TMEM117: variants seen among roughly 807,000 people sequenced by gnomAD.
TMEM117 encodes transmembrane protein 117.
A neutral mutation model predicts 52.4 loss-of-function variants in TMEM117; 27 were observed. The ratio of observed to expected loss-of-function variants is 0.51; its 90% CI spans 0.38 to 0.71. The LOEUF is 0.71. Among genes scored for constraint, TMEM117 ranks in the 30% least tolerant of loss-of-function variants. TMEM117 has a pLI of 0.00. For missense variants in TMEM117, 556 were observed against 630.5 expected (o/e 0.88, Z 1.26); for synonymous variants, 215 against 206.3 (o/e 1.04, Z -0.36).
At chr12:44,284,124 C>A (rs1950610311) in intron 5 of TMEM117, among the ~76,000 whole-genome samples, 1 of 152,106 alleles carries the variant, frequency 6.6e-6, no homozygotes, top group African/African-American at 2.4e-5. Context: ...ACCATCCTGG[C>A]CAACATGGTG....
chr12:43,994,399 T>C (rs1411312368), intron 3 of TMEM117, among the ~76,000 whole-genome samples: 1 of 152,168 alleles, frequency 6.6e-6, no homozygotes, highest in African/African-American at 2.4e-5. Context: ...TATCTCTCAT[T>C]ATAATAAAAA....
chr12:43,960,761 G>A (rs186141068), intron 3 of TMEM117, among the ~76,000 whole-genome samples: 41 of 152,120 alleles, frequency 2.7e-4, no homozygotes, highest in Admixed American at 1.6e-3. Flanking sequence ...ACTACATAGA[G>A]CAAAAATAAT....
intron 2 of TMEM117, among the ~76,000 whole-genome samples, chr12:43,877,890 AACACAC>A (rs369405497): frequency 0.019 from 2,718 of 143,086 alleles, 66 homozygotes; most frequent in African/African-American, 0.06. Context: ...GTAAAAACAA[AACACAC>A]ACACACACAC....
chr12:43,840,162 A>T (rs992662726), intron 1 of TMEM117, among the ~76,000 whole-genome samples: 1 of 152,220 alleles, frequency 6.6e-6, no homozygotes, highest in African/African-American at 2.4e-5. Context: ...TTGTGTGTGG[A>T]AGGCATTGCA....
chr12:43,846,964 G>C (rs931181741), intron 2 of TMEM117, among the ~76,000 whole-genome samples: 10 of 151,818 alleles, frequency 6.6e-5, no homozygotes, highest in Non-Finnish European at 1.3e-4. Context: ...ATCGTCTTGT[G>C]CCTATATGTA....
intron 7 of TMEM117, among the ~76,000 whole-genome samples, chr12:44,386,625 C>T (rs1323411588): frequency 6.6e-6 from 1 of 151,888 alleles, no homozygotes; most frequent in Non-Finnish European, 1.5e-5. Flanking sequence ...AATTACTGGG[C>T]CCCTATTATG....
At chr12:44,062,957 G>A (rs894396881) in intron 3 of TMEM117, among the ~76,000 whole-genome samples, 35 of 152,202 alleles carry the variant, frequency 2.3e-4, no homozygotes, top group Admixed American at 6.5e-5. Flanking sequence ...ACCTAAAAAT[G>A]TAATGTTAAA....
chr12:44,086,004 A>G (rs1008718578), intron 3 of TMEM117, among the ~76,000 whole-genome samples: 1 of 152,186 alleles, frequency 6.6e-6, no homozygotes, highest in Admixed American at 6.6e-5. Context: ...AGGGTTTTAA[A>G]TAAATTTAAG....
At chr12:43,989,197 A>G (rs1432876023) in intron 3 of TMEM117, among the ~76,000 whole-genome samples, 1 of 152,138 alleles carries the variant, frequency 6.6e-6, no homozygotes, top group African/African-American at 2.4e-5. Flanking sequence ...AAGTAGGTTT[A>G]CAAATAGATA....
chr12:43,811,375 G>C, the TMEM117 span, among the ~76,000 whole-genome samples: 1 of 152,152 alleles, frequency 6.6e-6, no homozygotes, highest in African/African-American at 2.4e-5. Context: ...CACAAATTAG[G>C]ATAGTGGAAA....
chr12:44,064,979 C>A (rs192846123), intron 3 of TMEM117, among the ~76,000 whole-genome samples: 1 of 152,028 alleles, frequency 6.6e-6, no homozygotes, highest in Non-Finnish European at 1.5e-5. Flanking sequence ...CACTGCATAT[C>A]AAAATATTAT....
chr12:44,261,210 C>T (rs1473293472), intron 5 of TMEM117, among the ~76,000 whole-genome samples: 1 of 152,172 alleles, frequency 6.6e-6, no homozygotes, highest in Non-Finnish European at 1.5e-5. Flanking sequence ...ATGATTAACT[C>T]AGTAAAGAAC....
chr12:43,844,189 T>C, intron 1 of TMEM117, among the ~76,000 whole-genome samples: 1 of 152,154 alleles, frequency 6.6e-6, no homozygotes, highest in Non-Finnish European at 1.5e-5. Flanking sequence ...TAACCAGGCG[T>C]GGTGGCACAT....
At chr12:44,001,930 G>A (rs1946122620) in intron 3 of TMEM117, among the ~76,000 whole-genome samples, 1 of 152,144 alleles carries the variant, frequency 6.6e-6, no homozygotes, top group African/African-American at 2.4e-5. Flanking sequence ...ATCCTTTCCT[G>A]TGACTCTCCT....
At chr12:44,116,102 C>G (rs1459127514) in intron 3 of TMEM117, among the ~76,000 whole-genome samples, 1 of 152,204 alleles carries the variant, frequency 6.6e-6, no homozygotes, top group East Asian at 1.9e-4. Context: ...CAATAATCAT[C>G]TACATGTTAA....
chr12:44,378,252 A>T (rs769699782), intron 7 of TMEM117, among the ~76,000 whole-genome samples: 36 of 152,304 alleles, frequency 2.4e-4, no homozygotes, highest in Non-Finnish European at 2.2e-4. Context: ...AAGGAAAAAA[A>T]AATGGAGAGC....
At chr12:44,160,906 T>A (rs1240987127) in intron 4 of TMEM117, among the ~76,000 whole-genome samples, 3 of 152,224 alleles carry the variant, frequency 2.0e-5, no homozygotes, top group African/African-American at 7.2e-5. Context: ...AAAATTTGAA[T>A]CCATGTGCTA....
At chr12:44,009,139 C>A in intron 3 of TMEM117, 1 of 312,274 alleles carries the variant, frequency 3.2e-6, no homozygotes, top group Non-Finnish European at 6.2e-6. Context: ...AGTTTCTTTA[C>A]TTCCTTGGAA....
chr12:43,843,279 G>T (rs73096926), intron 1 of TMEM117, among the ~76,000 whole-genome samples: 5,962 of 152,220 alleles, frequency 0.039, 150 homozygotes, highest in Middle Eastern at 0.088. Flanking sequence ...TGATATCTAA[G>T]ATTTAATCAG....
Sources: allele counts gnomAD v4.1 joint callset (sites outside exome capture counted in the v4.1 genomes callset), GRCh38; gene constraint gnomAD v4.1.1; transcripts MANE v1.5; gene names NCBI Gene and HGNC (gene_info 2026-07-23, HGNC 2026-07-21).